NPAS3: variants seen among roughly 807,000 people sequenced by gnomAD.
NPAS3 encodes neuronal PAS domain protein 3.
NPAS3 carries 14 observed loss-of-function variants against 73.1 expected under a neutral mutation model. The observed-to-expected ratio is 0.19, with a 90% CI of 0.13 to 0.30. NPAS3 has a LOEUF of 0.30. NPAS3 is among the 10% of genes least tolerant of loss of function. The pLI, the probability that NPAS3 is intolerant of heterozygous loss-of-function variation, is 1.00. For synonymous variants in NPAS3, 620 were observed against 541.5 expected (o/e 1.14, Z -2.01); for missense variants, 1,096 against 1,250.0 (o/e 0.88, Z 1.86).
intron 4 of NPAS3, among the ~76,000 whole-genome samples, chr14:33,407,582 G>A (rs1387081267): frequency 6.6e-6 from 1 of 152,102 alleles, no homozygotes; most frequent in Admixed American, 6.6e-5. Context: ...AATAGAAATG[G>A]AGACTGGCTG....
intron 3 of NPAS3, among the ~76,000 whole-genome samples, chr14:33,285,018 T>G (rs2041816668): frequency 6.6e-6 from 1 of 152,186 alleles, no homozygotes; most frequent in Non-Finnish European, 1.5e-5. Context: ...TATGACTTCC[T>G]AAGTGGCTCT....
intron 3 of NPAS3, among the ~76,000 whole-genome samples, chr14:33,296,759 C>T (rs978872075): frequency 1.3e-5 from 2 of 152,094 alleles, no homozygotes; most frequent in Admixed American, 6.5e-5. Flanking sequence ...GTTTAGATGA[C>T]GGAAATGACA....
chr14:33,622,141 T>C (rs76006278), intron 5 of NPAS3, among the ~76,000 whole-genome samples: 10,298 of 152,202 alleles, frequency 0.068, 455 homozygotes, highest in South Asian at 0.13. Flanking sequence ...AAACCACTGT[T>C]CTCAGTCTCA....
intron 3 of NPAS3, among the ~76,000 whole-genome samples, chr14:33,233,612 G>A (rs546239952): frequency 6.6e-6 from 1 of 152,056 alleles, no homozygotes; most frequent in African/African-American, 2.4e-5. Flanking sequence ...AACATACTGA[G>A]TTAATTATTC....
chr14:33,511,848 C>T (rs1347605070), intron 4 of NPAS3, among the ~76,000 whole-genome samples: 1 of 152,044 alleles, frequency 6.6e-6, no homozygotes, highest in Admixed American at 6.6e-5. Flanking sequence ...TAGCATTCTA[C>T]TTCAGTGTGG....
At chr14:33,230,552 CT>C (rs1254842738) in intron 3 of NPAS3, among the ~76,000 whole-genome samples, 1 of 152,130 alleles carries the variant, frequency 6.6e-6, no homozygotes, top group Non-Finnish European at 1.5e-5. Flanking sequence ...AGAATTACAT[CT>C]ACTCTAGATT....
At chr14:33,158,392 A>T (rs2139291121) in intron 2 of NPAS3, among the ~76,000 whole-genome samples, 1 of 152,326 alleles carries the variant, frequency 6.6e-6, no homozygotes, top group South Asian at 2.1e-4. Context: ...TTATTGGAAG[A>T]CACTATATTT....
intron 2 of NPAS3, among the ~76,000 whole-genome samples, chr14:33,208,352 C>T (rs889796688): frequency 2.6e-5 from 4 of 152,134 alleles, no homozygotes; most frequent in Non-Finnish European, 5.9e-5. Flanking sequence ...ATTAAATCCT[C>T]TTATTTAAAG....
rs2139702213 is a variant in NPAS3, at chr14:33,219,891, T to C, written c.385+4465T>C. Among the ~76,000 whole-genome samples, 3 of 152,310 alleles carry C rather than the reference T, an allele frequency of 2.0e-5. 1 individual carries two copies. The East Asian group carries it at 5.8e-4, about 29-fold the overall frequency. On this transcript the variant is annotated intron_variant, in intron 3 of 11. Transcript: ENST00000356141. ...CTCCAAGACTGAGTGATAGGTCATC[T>C]TGGTCTAAGCAGTTCAGGGATTTTC...
chr14:33,000,487 T>A (rs2383417), intron 1 of NPAS3, among the ~76,000 whole-genome samples: 19,328 of 152,152 alleles, frequency 0.13, 2,461 homozygotes, highest in African/African-American at 0.33. Flanking sequence ...TAGACACAGA[T>A]TTTGTGAGTT....
chr14:32,997,902 T>G (rs2038649388), intron 1 of NPAS3, among the ~76,000 whole-genome samples: 1 of 152,186 alleles, frequency 6.6e-6, no homozygotes, highest in Admixed American at 6.5e-5. Flanking sequence ...TATGTCTTTA[T>G]CAGCAGCATG....
intron 10 of NPAS3, among the ~76,000 whole-genome samples, chr14:33,796,975 C>A (rs956212649): frequency 6.6e-6 from 1 of 152,146 alleles, no homozygotes; most frequent in Non-Finnish European, 1.5e-5. Flanking sequence ...CAGATAGGCA[C>A]CAAAGGCTCT....
chr14:33,248,422 A>C (rs1033450757), intron 3 of NPAS3, among the ~76,000 whole-genome samples: 4 of 152,210 alleles, frequency 2.6e-5, no homozygotes, highest in Non-Finnish European at 5.9e-5. Flanking sequence ...TTTTTATTCC[A>C]GTGTTCACTT....
At chr14:33,415,623 T>A (rs1173385867) in intron 4 of NPAS3, among the ~76,000 whole-genome samples, 3 of 152,130 alleles carry the variant, frequency 2.0e-5, no homozygotes, top group Non-Finnish European at 4.4e-5. Context: ...ATTGAGTATG[T>A]AATCAGTGTA....
chr14:33,642,880 T>C (rs2058712795), intron 5 of NPAS3, among the ~76,000 whole-genome samples: 3 of 152,202 alleles, frequency 2.0e-5, no homozygotes, highest in Non-Finnish European at 4.4e-5. Context: ...CTCTTCTTTG[T>C]TTGCCAATAT....
rs2048490239 is a variant in NPAS3, at chr14:33,424,792, C to T, written c.468+57524C>T. 2.0e-5 allele frequency among the ~76,000 whole-genome samples: 3 copies of T among 151,614 alleles called. No homozygotes were observed. In the South Asian group the frequency reaches 6.2e-4, roughly 31 times the overall value. The stretch of plus-strand genomic sequence containing the variant: ...ATATTGAGTTTGAAGTGTCTGGAGA[C>T]ATCAAGTGGATGAGAAATCATTTGG... On this transcript the variant is annotated intron_variant, in intron 4 of 11. Coordinates refer to ENST00000356141, the Ensembl canonical transcript of NPAS3.
At chr14:33,600,457 C>T (rs1449741175) in intron 5 of NPAS3, among the ~76,000 whole-genome samples, 1 of 152,124 alleles carries the variant, frequency 6.6e-6, no homozygotes, top group African/African-American at 2.4e-5. Flanking sequence ...GCTCTCTGTG[C>T]TTGGCATAGA....
intron 5 of NPAS3, among the ~76,000 whole-genome samples, chr14:33,576,205 A>C (rs1205351711): frequency 1.3e-5 from 2 of 152,146 alleles, no homozygotes; most frequent in African/African-American, 4.8e-5. Context: ...TGGCGTCATA[A>C]ACTGCACAGT....
chr14:33,769,650 A>G (rs1015315051), intron 7 of NPAS3, among the ~76,000 whole-genome samples: 1 of 151,992 alleles, frequency 6.6e-6, no homozygotes, highest in Admixed American at 6.6e-5. Context: ...TAATTAATCA[A>G]ACAGTATTTG....
Sources: allele counts gnomAD v4.1 joint callset (sites outside exome capture counted in the v4.1 genomes callset), GRCh38; gene constraint gnomAD v4.1.1; transcripts MANE v1.5; gene names NCBI Gene and HGNC (gene_info 2026-07-23, HGNC 2026-07-21).